TMPRSS2: variants seen among roughly 807,000 people sequenced by gnomAD.
TMPRSS2 encodes the protein transmembrane serine protease 2.
Under a neutral mutation model 67.4 loss-of-function variants are expected in TMPRSS2, and 59 were observed. That is an observed-to-expected ratio of 0.88 (90% CI 0.71 to 1.09). TMPRSS2 has a LOEUF of 1.09. TMPRSS2 is among the 50% of genes least tolerant of loss of function. The pLI is 0.00. For missense variants in TMPRSS2, 668 were observed against 642.7 expected, an observed-to-expected ratio of 1.04 and a Z score of -0.43; for synonymous variants, 257 against 257.0, an observed-to-expected ratio of 1.00 and a Z score of 0.00.
intron 9 of TMPRSS2, among the ~76,000 whole-genome samples, chr21:41,472,876 C>T (rs543404937): frequency 2.0e-5 from 3 of 152,300 alleles, no homozygotes; most frequent in South Asian, 4.1e-4. Context: ...AGCCTCACCC[C>T]TACCTAACCC....
intron 1 of TMPRSS2, among the ~76,000 whole-genome samples, chr21:41,505,234 A>AAAAT (rs951959151): frequency 3.3e-5 from 5 of 152,176 alleles, no homozygotes; most frequent in African/African-American, 7.2e-5. Flanking sequence ...AGGGCTTAGA[A>AAAAT]AAATAAATAA....
In TMPRSS2 at chr21:41,479,256, A is replaced by G. The variant is rs1763401803; in HGVS notation, c.599T>C (p.Ile200Thr). ...GCTGGTGGATCCGCTGTCATCCACT[A>G]TTCCTTGGCTAGAGTAAAAATTATT... ...YKNNFYSSQG[I>T]VDDSGSTSFM... The change falls in exon 7 of 14, where the codon ATA becomes ACA. Residue 200 changes from isoleucine to threonine, a missense_variant. By Grantham distance (89) the Ile-to-Thr change is moderately conservative. Transcript: ENST00000332149. The G allele has an allele frequency of 1.2e-6, 2 of 1,613,912 alleles. No homozygotes were observed.
rs112753686 is a variant in TMPRSS2, at chr21:41,482,533, C to T, written c.446-1931G>A. ...ATGGGCTTAAAGTATAAAGTGAGGA[C>T]CTGGCTATGCTCTAGCCTCTCTTCT... On this transcript the variant is annotated intron_variant, in intron 5 of 13. Coordinates refer to ENST00000332149, the MANE Select transcript of TMPRSS2 (RefSeq NM_005656.4). 4.3e-3 allele frequency among the ~76,000 whole-genome samples: 656 copies of T among 152,302 alleles called. 5 individuals are homozygous for T. The highest frequency in any genetic ancestry group is 0.015 in the African/African-American group (622 of 41,572).
At position 41,480,538 on chromosome 21, in the gene TMPRSS2, A is replaced by G. The variant is rs762745808; in HGVS notation, c.510T>C (p.Pro170=). 3.4e-5 allele frequency: 55 copies of G among 1,613,684 alleles called. No individual in the cohort carries two copies. Among genetic ancestry groups the G allele is most frequent in the Non-Finnish European group, 1.5e-5 (18 of 1,180,028 alleles). The change falls in exon 6 of 14, where the codon CCT becomes CCC. Residue 170 remains proline (P), a synonymous_variant. Coordinates refer to ENST00000332149, the MANE Select transcript of TMPRSS2 (RefSeq NM_005656.4). ...VYSSQRKSWH[P]VCQDDWNENY... is the part of the protein sequence containing the mutation. ...TCTCGTTCCAGTCGTCTTGGCACAC[A>G]GGGTGCCAGGACTTCCTCTGAGATG...
At chr21:41,473,134 C>G (rs1164871279) in intron 9 of TMPRSS2, among the ~76,000 whole-genome samples, 191 bp downstream of exon 9, 2 of 152,194 alleles carry the variant, frequency 1.3e-5, no homozygotes, top group African/African-American at 2.4e-5. Flanking sequence ...AGGGGACACT[C>G]AGTGCATACA....
intron 13 of TMPRSS2, 24 bp downstream of exon 13, chr21:41,467,710 T>C: frequency 6.2e-7 from 1 of 1,612,312 alleles, no homozygotes; most frequent in Non-Finnish European, 8.5e-7. Context: ...GAGAACACAG[T>C]CAGAAGGAGG....
chr21:41,502,149 A>C (rs1404258792), intron 1 of TMPRSS2, among the ~76,000 whole-genome samples: 1 of 152,224 alleles, frequency 6.6e-6, no homozygotes, highest in Non-Finnish European at 1.5e-5. Context: ...GCCACCATGC[A>C]GCAGGACGAT....
At position 41,494,476 on chromosome 21, in the gene TMPRSS2, G is replaced by A. The variant is rs2146483809; in HGVS notation, c.118C>T (p.His40Tyr). Residue 40 changes from histidine (H) to tyrosine (Y), a missense_variant, in exon 3 of 14, where the codon CAT becomes TAT. Transcript: ENST00000332149. ...PTVVPTVYEV[H>Y]PAQYYPSPVP... is the part of the protein sequence containing the mutation. The stretch of plus-strand genomic sequence containing the variant: ...GGGGACGGGTAGTACTGAGCCGGAT[G>A]CACCTCGTAGACAGTGGGGACCACA... 6.2e-7 allele frequency: 1 copy of A among 1,614,066 alleles called. No homozygotes were observed. Among genetic ancestry groups the A allele is most frequent in the Non-Finnish European group, 8.5e-7 (1 of 1,180,002 alleles).
chr21:41,478,335 C>T lies in TMPRSS2; in HGVS notation c.683+837G>A, dbSNP rs1006344554. Among the ~76,000 whole-genome samples the T allele has an allele frequency of 2.6e-5, 4 of 152,144 alleles. No homozygotes were observed. The highest frequency in any genetic ancestry group is 4.4e-5 in the Non-Finnish European group (3 of 68,020). On this transcript the variant is annotated intron_variant, in intron 7 of 13. Coordinates refer to ENST00000332149, the MANE Select transcript of TMPRSS2 (RefSeq NM_005656.4). This position sits in a 1 kb window ranked among gnomAD's most constrained non-coding sequence, Gnocchi z 4.0. ...GCGGGGTGATTAGTTCATCCTCCCC[C>T]GAAATGCAGCACCTGGCACCTGGCA...
intron 7 of TMPRSS2, among the ~76,000 whole-genome samples, chr21:41,477,874 C>T (rs1428789766): frequency 1.4e-5 from 2 of 145,024 alleles, no homozygotes; most frequent in Non-Finnish European, 3.1e-5. Context: ...AAAAGAAGTG[C>T]GCCTCCCCCC....
Position 41,472,021 on chromosome 21 carries a change from C to T in TMPRSS2, c.900-40G>A, listed in dbSNP as rs747443213. 3.3e-6 allele frequency: 5 copies of T among 1,532,924 alleles called. No homozygotes were observed. In the South Asian group the frequency reaches 5.0e-5, roughly 15 times the overall value. The allele number at this position is 1,532,924 out of a possible 1,614,324, so 95.0% of individuals were successfully genotyped here. ...GGACTCAGTATCTCAGAGCCATAAA[C>T]ACAGAGCTCTCAGTGGATGAACTTC... On this transcript the variant is annotated intron_variant, in intron 9 of 13. Transcript: ENST00000332149.
intron 11 of TMPRSS2, among the ~76,000 whole-genome samples, chr21:41,470,424 G>A (rs2091122504): frequency 6.6e-6 from 1 of 152,218 alleles, no homozygotes; most frequent in African/African-American, 2.4e-5. Flanking sequence ...CATTCCACAT[G>A]CTGCTCTGTG....
chr21:41,470,441 C>T (rs2091122625), intron 11 of TMPRSS2, among the ~76,000 whole-genome samples: 2 of 152,178 alleles, frequency 1.3e-5, no homozygotes, highest in East Asian at 1.9e-4. Context: ...TGTGTGATCA[C>T]GATAAGAACA....
intron 2 of TMPRSS2, 80 bp downstream of exon 2, chr21:41,498,039 T>G: frequency 8.8e-7 from 1 of 1,131,508 alleles, no homozygotes; most frequent in Non-Finnish European, 1.3e-6. Flanking sequence ...TTGCAATTGC[T>G]GACCCCAAAC....
rs774743442 is a variant in TMPRSS2 at position 41,471,846 on chromosome 21, G to A, written c.1035C>T (p.Asp345=). The change falls in exon 10 of 14, where the codon GAC becomes GAT. Residue 345 remains aspartate, a synonymous_variant. Coordinates refer to ENST00000332149, the MANE Select transcript of TMPRSS2 (RefSeq NM_005656.4). ...PNYDSKTKNN[D]IALMKLQKPL... is the part of the protein sequence containing the mutation. Reference sequence around the variant, plus strand: ...GCTTCTGCAGCTTCATCAGCGCAATGTCATTGTTCTTGGTCTTGGAGTCAT... The same window carrying A: ...GCTTCTGCAGCTTCATCAGCGCAATATCATTGTTCTTGGTCTTGGAGTCAT... 12 of 1,612,798 alleles carry A rather than the reference G, an allele frequency of 7.4e-6. No homozygotes were observed. Among genetic ancestry groups the A allele is most frequent in the Non-Finnish European group, 1.0e-5 (12 of 1,179,294 alleles).
At chr21:41,490,915 C>T (rs1236997477) in intron 3 of TMPRSS2, among the ~76,000 whole-genome samples, 2 of 152,188 alleles carry the variant, frequency 1.3e-5, no homozygotes, top group East Asian at 3.9e-4. Context: ...GGTGTGGCAG[C>T]CTGGAACTCC....
At chr21:41,495,572 T>C (rs775158277) in intron 2 of TMPRSS2, among the ~76,000 whole-genome samples, 45 of 144,016 alleles carry the variant, frequency 3.1e-4, no homozygotes, top group Non-Finnish European at 3.6e-4. Context: ...TTGCAGTGAA[T>C]GGAGATCACG....
Position 41,489,609 on chromosome 21 carries a change from G to C in TMPRSS2, c.239-16C>G, listed in dbSNP as rs749302877. 6 of 1,597,520 alleles carry C rather than the reference G, an allele frequency of 3.8e-6. No individual in the cohort carries two copies. The Admixed American group carries it at 8.4e-5, about 22-fold the overall frequency. On this transcript the variant is annotated splice_polypyrimidine_tract_variant and intron_variant, in intron 3 of 13. Transcript: ENST00000332149. ...TTCTTAGTCTCTGGAAGAAGGAGGA[G>C]AGTGCAACGTTCAGACCAGAGTTGT...
At chr21:41,499,824 A>G (rs1323419303) in intron 1 of TMPRSS2, among the ~76,000 whole-genome samples, 1 of 151,860 alleles carries the variant, frequency 6.6e-6, no homozygotes, top group Non-Finnish European at 1.5e-5. Context: ...TTTAACATGC[A>G]CCTTCCTGAG....
Sources: gnomAD v4.1 joint callset for allele counts (sites outside exome capture counted in the v4.1 genomes callset) on GRCh38, gnomAD v4.1.1 for gene constraint, Gnocchi (gnomAD v3.1) non-coding constraint, MANE v1.5 for transcripts, NCBI Gene and HGNC (gene_info 2026-07-23, HGNC 2026-07-21) for gene names.